Variants in KIF16B observed in about 807,000 individuals in gnomAD.
The protein encoded by KIF16B is kinesin-like protein KIF16B.
In KIF16B, 98 loss-of-function variants were observed where a neutral mutation model predicts 156.3. The ratio of observed to expected loss-of-function variants is 0.63; its 90% CI spans 0.53 to 0.74. KIF16B has a LOEUF of 0.74. KIF16B is among the 30% of genes least tolerant of loss of function. KIF16B has a pLI of 0.00. For synonymous variants in KIF16B, 564 were observed against 583.7 expected (o/e 0.97, Z 0.49); for missense variants, 1,421 against 1,606.5 (o/e 0.88, Z 1.97).
intron 23 of KIF16B, among the ~76,000 whole-genome samples, chr20:16,340,755 G>A (rs556480683): frequency 1.7e-4 from 26 of 152,208 alleles, no homozygotes; most frequent in Non-Finnish European, 3.5e-4. Context: ...ATGGTACTTC[G>A]AACCTGCCTC....
At chr20:16,556,427 T>C (rs964069211) in intron 1 of KIF16B, among the ~76,000 whole-genome samples, 9 of 152,236 alleles carry the variant, frequency 5.9e-5, no homozygotes, top group African/African-American at 1.4e-4. Flanking sequence ...GCACTCTATA[T>C]GTGGTCAGTA....
At chr20:16,340,519 T>C (rs906599660) in intron 23 of KIF16B, among the ~76,000 whole-genome samples, 3 of 152,100 alleles carry the variant, frequency 2.0e-5, no homozygotes, top group Admixed American at 2.0e-4. Context: ...TTCTGAAGAG[T>C]TGGAAAGGGG....
intron 19 of KIF16B, among the ~76,000 whole-genome samples, chr20:16,375,433 C>G (rs2064924127): frequency 6.6e-6 from 1 of 152,146 alleles, no homozygotes; most frequent in South Asian, 2.1e-4. Flanking sequence ...ACATGAAAGC[C>G]AAGTTCTGAA....
intron 22 of KIF16B, among the ~76,000 whole-genome samples, chr20:16,361,361 T>C (rs2064548693): frequency 1.3e-5 from 2 of 152,172 alleles, no homozygotes; most frequent in Admixed American, 6.5e-5. Context: ...GGAACAAAGA[T>C]AACATGCAGG....
At chr20:16,477,980 C>A (rs1403089991) in intron 12 of KIF16B, among the ~76,000 whole-genome samples, 1 of 152,112 alleles carries the variant, frequency 6.6e-6, no homozygotes, top group East Asian at 1.9e-4. Flanking sequence ...CAATGGAATA[C>A]CCCGAGGACC....
chr20:16,281,485 C>T (rs908839954), intron 25 of KIF16B, among the ~76,000 whole-genome samples: 1 of 152,162 alleles, frequency 6.6e-6, no homozygotes, highest in Non-Finnish European at 1.5e-5. Context: ...CACGCATCGA[C>T]CCAGTGTGGT....
chr20:16,315,758 A>C (rs996559062), intron 24 of KIF16B, among the ~76,000 whole-genome samples: 1 of 152,178 alleles, frequency 6.6e-6, no homozygotes. Context: ...CTCTCCAAGT[A>C]AAAACTAAGA....
chr20:16,348,295 T>C (rs990798673), intron 23 of KIF16B, among the ~76,000 whole-genome samples: 10 of 152,296 alleles, frequency 6.6e-5, no homozygotes, highest in African/African-American at 1.9e-4. Context: ...AATGAGTAAG[T>C]AAGGGAACAA....
At chr20:16,319,788 A>G (rs2063748459) in intron 24 of KIF16B, among the ~76,000 whole-genome samples, 1 of 152,198 alleles carries the variant, frequency 6.6e-6, no homozygotes, top group Non-Finnish European at 1.5e-5. Flanking sequence ...CTAGTTTTCA[A>G]ATGATGTGTT....
chr20:16,510,735 C>T (rs961870074), intron 6 of KIF16B, among the ~76,000 whole-genome samples: 1 of 152,196 alleles, frequency 6.6e-6, no homozygotes. Flanking sequence ...CCAGGAAGAA[C>T]TTTAAACCTG....
At chr20:16,505,337 T>C (rs191137854) in intron 9 of KIF16B, among the ~76,000 whole-genome samples, 65 of 152,316 alleles carry the variant, frequency 4.3e-4, no homozygotes, top group Middle Eastern at 3.4e-3. Context: ...GGTTTTTTTT[T>C]CCCCTCCCAA....
chr20:16,486,711 A>G (rs6044012), intron 12 of KIF16B, among the ~76,000 whole-genome samples: 33,002 of 151,928 alleles, frequency 0.22, 7,063 homozygotes, highest in African/African-American at 0.56. Flanking sequence ...TCACATAGCC[A>G]AATGAGCTCT....
intron 15 of KIF16B, among the ~76,000 whole-genome samples, chr20:16,422,058 A>C (rs1038681300): frequency 9.2e-5 from 14 of 152,134 alleles, no homozygotes; most frequent in African/African-American, 3.4e-4. Flanking sequence ...ATTTAAATGA[A>C]CTCTCAGTTT....
intron 1 of KIF16B, among the ~76,000 whole-genome samples, chr20:16,556,503 C>G (rs930674639): frequency 1.3e-5 from 2 of 152,178 alleles, no homozygotes; most frequent in African/African-American, 4.8e-5. Flanking sequence ...CACTGTGTGT[C>G]TATTCTTGCC....
chr20:16,433,551 T>C (rs2066560759), intron 12 of KIF16B, among the ~76,000 whole-genome samples: 1 of 151,714 alleles, frequency 6.6e-6, no homozygotes, highest in African/African-American at 2.4e-5. Flanking sequence ...TCAAAAGTCT[T>C]ACTTGTTCCC....
intron 22 of KIF16B, among the ~76,000 whole-genome samples, chr20:16,361,281 C>G (rs569002991): frequency 6.6e-6 from 1 of 151,962 alleles, no homozygotes; most frequent in Non-Finnish European, 1.5e-5. Context: ...AAAGAGACGA[C>G]GAAGATTTGG....
chr20:16,346,424 A>C (rs779694220), intron 23 of KIF16B, among the ~76,000 whole-genome samples: 4 of 152,110 alleles, frequency 2.6e-5, no homozygotes, highest in Non-Finnish European at 5.9e-5. Flanking sequence ...CATCACCGAC[A>C]AGTACAGAAG....
chr20:16,423,328 C>T (rs150634526), intron 15 of KIF16B, among the ~76,000 whole-genome samples: 62 of 152,090 alleles, frequency 4.1e-4, no homozygotes, highest in African/African-American at 1.4e-3. Flanking sequence ...ACACAAAGAA[C>T]AACAGATTAA....
intron 15 of KIF16B, among the ~76,000 whole-genome samples, chr20:16,417,498 C>G (rs908443988): frequency 6.6e-6 from 1 of 152,146 alleles, no homozygotes; most frequent in South Asian, 2.1e-4. Context: ...CCCAGGATCT[C>G]ATAATATCCA....
Sources: gnomAD v4.1 joint callset for allele counts (sites outside exome capture counted in the v4.1 genomes callset) on GRCh38, gnomAD v4.1.1 for gene constraint, MANE v1.5 for transcripts, NCBI Gene and HGNC (gene_info 2026-07-23, HGNC 2026-07-21) for gene names.